Variants in HIVEP1 observed in about 807,000 individuals in gnomAD.
The protein encoded by HIVEP1 is HIVEP zinc finger 1, also known as zinc finger protein 40.
HIVEP1 carries 36 observed loss-of-function variants against 180.0 expected under a neutral mutation model. The observed-to-expected ratio is 0.20, with a 90% confidence interval of 0.15 to 0.26. The LOEUF is 0.26. Among genes scored for constraint, HIVEP1 ranks in the 10% least tolerant of loss-of-function variants. HIVEP1 has a pLI of 1.00. For missense variants in HIVEP1, 3,143 were observed against 3,268.7 expected, an observed-to-expected ratio of 0.96 and a Z score of 0.94; for synonymous variants, 1,239 against 1,239.0, an observed-to-expected ratio of 1.00 and a Z score of 0.00.
At chr6:12,089,279 T>G (rs1275987305) in intron 3 of HIVEP1, 42 bp downstream of exon 3, 4 of 1,132,522 alleles carry the variant, frequency 3.5e-6, no homozygotes, top group Non-Finnish European at 5.3e-6. Flanking sequence ...ATTCTTGCAA[T>G]GATGCCTATA....
the HIVEP1 span, among the ~76,000 whole-genome samples, chr6:12,204,372 C>CTTCCTCTTTTACCTCCCCTTCCCCGTA: frequency 6.6e-6 from 1 of 152,142 alleles, no homozygotes; most frequent in Non-Finnish European, 1.5e-5. Context: ...CCTTCCCCGT[C>CTTCCTCTTTTACCTCCCCTTCCCCGTA]TATCCTCCCC....
chr6:12,124,447 A>C lies in HIVEP1; in HGVS notation c.4652A>C (p.Lys1551Thr), dbSNP rs1679975972. 6 of 1,614,134 alleles carry C rather than the reference A, an allele frequency of 3.7e-6. No homozygotes were observed. The highest frequency in any genetic ancestry group is 2.2e-5 in the South Asian group (2 of 91,074). Residue 1551 changes from lysine (K) to threonine (T), a missense_variant, in exon 4 of 9, where the codon AAA (lysine) becomes ACA (threonine). By Grantham distance (78) the Lys-to-Thr change is moderately conservative. Coordinates refer to ENST00000379388, the MANE Select transcript of HIVEP1 (RefSeq NM_002114.4). ...DKNSVLSGSS[K>T]SEDCFAPKYQ... ...AATTCTGTTTTATCTGGGTCTTCTAAAAGTGAGGATTGCTTTGCTCCCAAA... is the reference window on the plus strand; with the variant it reads ...AATTCTGTTTTATCTGGGTCTTCTACAAGTGAGGATTGCTTTGCTCCCAAA...
chr6:12,168,352 TGTATATATTATATACATATAC>T (rs1562025044), downstream of HIVEP1, among the ~76,000 whole-genome samples: 77 of 86,948 alleles, frequency 8.9e-4, 2 homozygotes, highest in East Asian at 0.02. Flanking sequence ...TACATGTATA[TGTATATATTATATACATATAC>T]ATGTATATAT....
chr6:12,206,870 G>A, the HIVEP1 span, among the ~76,000 whole-genome samples: 3 of 151,398 alleles, frequency 2.0e-5, no homozygotes, highest in Non-Finnish European at 4.4e-5. Flanking sequence ...CCCAGGAGTG[G>A]GTGAGAAGCT....
At chr6:12,167,174 G>A (rs926841407), downstream of HIVEP1, among the ~76,000 whole-genome samples, 1 of 151,860 alleles carries the variant, frequency 6.6e-6, no homozygotes, top group South Asian at 2.1e-4. Context: ...TAAGTAACAC[G>A]TTTCTTACTA....
chr6:12,021,551 C>T (rs1768211309), intron 2 of HIVEP1, among the ~76,000 whole-genome samples: 1 of 152,304 alleles, frequency 6.6e-6, no homozygotes, highest in African/African-American at 2.4e-5. Context: ...CCTTCTTGTA[C>T]TTACAATATT....
chr6:12,133,988 A>C (rs956743557), intron 6 of HIVEP1, among the ~76,000 whole-genome samples: 4 of 152,156 alleles, frequency 2.6e-5, no homozygotes, highest in Non-Finnish European at 5.9e-5. Flanking sequence ...CCAAAAAAAA[A>C]AAAAAGAGGA....
At chr6:12,043,871 C>T (rs1769941725) in intron 2 of HIVEP1, among the ~76,000 whole-genome samples, 1 of 152,112 alleles carries the variant, frequency 6.6e-6, no homozygotes, top group South Asian at 2.1e-4. Context: ...TTTAGTGTCT[C>T]TGTCCTCTGA....
At chr6:12,132,127 A>G (rs544824460) in intron 6 of HIVEP1, among the ~76,000 whole-genome samples, 1 of 152,316 alleles carries the variant, frequency 6.6e-6, no homozygotes, top group East Asian at 1.9e-4. Flanking sequence ...CTCAGGATGC[A>G]GTTTTTTAAT....
chr6:12,069,645 C>T (rs541550706), intron 2 of HIVEP1, among the ~76,000 whole-genome samples: 32 of 150,914 alleles, frequency 2.1e-4, no homozygotes, highest in Non-Finnish European at 3.0e-4. Flanking sequence ...GTGGGTGCAG[C>T]GCACCAGCAT....
At chr6:12,066,037 C>T (rs935452334) in intron 2 of HIVEP1, among the ~76,000 whole-genome samples, 2 of 151,998 alleles carry the variant, frequency 1.3e-5, no homozygotes. Flanking sequence ...GGAGGTGATT[C>T]TCATGAGAAG....
At chr6:12,064,299 G>T (rs912249107) in intron 2 of HIVEP1, among the ~76,000 whole-genome samples, 2 of 152,088 alleles carry the variant, frequency 1.3e-5, no homozygotes, top group African/African-American at 4.8e-5. Context: ...GACTCTTTCT[G>T]TGTTACAACA....
intron 7 of HIVEP1, among the ~76,000 whole-genome samples, chr6:12,155,073 T>C (rs2113664817): frequency 6.6e-6 from 1 of 152,332 alleles, no homozygotes; most frequent in South Asian, 2.1e-4. Context: ...AAAATTTAGA[T>C]TTATCCGAGA....
intron 6 of HIVEP1, among the ~76,000 whole-genome samples, chr6:12,132,192 T>A (rs190910251): frequency 1.3e-5 from 2 of 152,302 alleles, no homozygotes; most frequent in East Asian, 3.9e-4. Context: ...ATGATTTTCC[T>A]TCCTGGTCCT....
intron 3 of HIVEP1, among the ~76,000 whole-genome samples, chr6:12,115,703 A>G (rs1775173118): frequency 6.6e-6 from 1 of 152,046 alleles, no homozygotes; most frequent in Admixed American, 6.5e-5. Context: ...CTCCCTGTGT[A>G]AGGAGAGAGG....
chr6:12,117,433 T>C (rs1241054334), intron 3 of HIVEP1, among the ~76,000 whole-genome samples: 1 of 152,170 alleles, frequency 6.6e-6, no homozygotes, highest in Non-Finnish European at 1.5e-5. Flanking sequence ...TTATAGAAAA[T>C]AGTTTCTCTT....
At chr6:12,107,334 A>G (rs1774496095) in intron 3 of HIVEP1, among the ~76,000 whole-genome samples, 1 of 152,216 alleles carries the variant, frequency 6.6e-6, no homozygotes, top group South Asian at 2.1e-4. Flanking sequence ...TTTAAAAAAT[A>G]TTGCCAAAAA....
At chr6:12,140,164 G>A (rs1400225109) in intron 7 of HIVEP1, among the ~76,000 whole-genome samples, 1 of 152,146 alleles carries the variant, frequency 6.6e-6, no homozygotes, top group Non-Finnish European at 1.5e-5. Context: ...ACCAATATTT[G>A]CCGTTCTGCA....
chr6:12,179,857 T>G, the HIVEP1 span, among the ~76,000 whole-genome samples: 1 of 152,104 alleles, frequency 6.6e-6, no homozygotes, highest in Admixed American at 6.5e-5. Context: ...TTATACTTAC[T>G]TATTTATTAT....
Sources: allele counts gnomAD v4.1 joint callset (sites outside exome capture counted in the v4.1 genomes callset), GRCh38; gene constraint gnomAD v4.1.1; transcripts MANE v1.5; gene names NCBI Gene and HGNC (gene_info 2026-07-23, HGNC 2026-07-21).